ERCC3: variants seen among roughly 807,000 people sequenced by gnomAD.
The protein encoded by ERCC3 is ERCC excision repair 3, TFIIH core complex helicase subunit.
Under a neutral mutation model 94.2 loss-of-function variants are expected in ERCC3, and 66 were observed. That is an observed-to-expected ratio of 0.70 (90% CI 0.57 to 0.86). The LOEUF (loss-of-function observed/expected upper bound fraction) is 0.86. Among genes scored for constraint, ERCC3 ranks in the 40% least tolerant of loss-of-function variants. The pLI is 0.00. For missense variants in ERCC3, 829 were observed against 987.1 expected (o/e 0.84, Z 2.15); for synonymous variants, 349 against 369.1 (o/e 0.95, Z 0.63).
chr2:127,270,762 A>G (rs1684521929), intron 12 of ERCC3, among the ~76,000 whole-genome samples: 1 of 152,122 alleles, frequency 6.6e-6, no homozygotes, highest in Admixed American at 6.5e-5. Context: ...GGGCCCTTTT[A>G]CCGCAGTAAG....
intron 2 of ERCC3, 31 bp from the exon 3 acceptor site, chr2:127,292,877 A>C (rs753347370): frequency 7.1e-7 from 1 of 1,400,966 alleles, no homozygotes; most frequent in Non-Finnish European, 1.0e-6. Context: ...AAAACAGACA[A>C]GGAAACATGA....
chr2:127,272,931 C>T lies in ERCC3; in HGVS notation c.1761G>A (p.Gly587=), dbSNP rs1280410861. The change falls in exon 11 of 15, where the codon GGG becomes GGA. Residue 587 remains glycine (G), a synonymous_variant. Coordinates refer to ENST00000285398, the MANE Select transcript of ERCC3 (RefSeq NM_000122.2). ...KPYIYGPTSQ[G]ERMQILQNFK... is the part of the protein sequence containing the mutation. ...AATTCTGGAGAATTTGCATCCTTTC[C>T]CCCTGAGACGTAGGTCCGTAGATAT... 1.2e-6 allele frequency: 2 copies of T among 1,612,926 alleles called. No individual in the cohort carries two copies. The highest frequency in any genetic ancestry group is 1.7e-6 in the Non-Finnish European group (2 of 1,178,938).
rs1684138917 is a variant in ERCC3 at position 127,259,884 on chromosome 2, G to C, written c.2065-436C>G. 3.8e-6 allele frequency: 1 copy of C among 264,172 alleles called. No individual in the cohort carries two copies. 16.4% of individuals were successfully genotyped at this position (264,172 alleles called of 1,614,324 possible). On this transcript the variant is annotated intron_variant, in intron 13 of 14. Transcript: ENST00000285398. The surrounding 1 kb of genome is among the most constrained non-coding windows in gnomAD (Gnocchi z 4.9). ...TGCTCCGCAACTGGGGCTTCCAGCA[G>C]GAATGAGCACGTGAAAATGAAAATG...
At chr2:127,293,814 T>C in intron 1 of ERCC3, 96 bp from the exon 2 acceptor site, 4 of 1,598,294 alleles carry the variant, frequency 2.5e-6, no homozygotes, top group Non-Finnish European at 3.4e-6. Context: ...CGCAAACTCC[T>C]AGCTAAGAGC....
Position 127,279,157 on chromosome 2 carries a change from A to C in ERCC3, c.1730+16T>G, listed in dbSNP as rs202086538. 3.6e-4 allele frequency: 567 copies of C among 1,581,942 alleles called. 2 individuals are homozygous for C. Among genetic ancestry groups the C allele is most frequent in the Middle Eastern group, 1.7e-4 (1 of 6,028 alleles). ...AGAAACTGGCCTGGAGGAAGCTCCA[A>C]GTTTTCAATTCTTACTTGTTCAGTC... is the stretch of plus-strand genomic sequence containing the variant. On this transcript the variant is annotated intron_variant, in intron 10 of 14. Transcript: ENST00000285398. This position sits in a 1 kb window ranked among gnomAD's most constrained non-coding sequence, Gnocchi z 4.7.
Position 127,289,350 on chromosome 2 carries a change from AAAGACACT to A in ERCC3, c.801_808del (p.Val268Ter). ...ACATTCACTAACCTGCTTGACTTCAAAAGACACTGTCTGTGTCTCTTCTTCTTCTTCTT... is the reference window on the plus strand; with the variant it reads ...ACATTCACTAACCTGCTTGACTTCAAGTCTGTGTCTCTTCTTCTTCTTCTT... On this transcript the variant is annotated frameshift_variant, in exon 6 of 15. Transcript: ENST00000285398. LOFTEE classifies it high-confidence loss of function. The A allele has an allele frequency of 6.2e-7, 1 of 1,613,746 alleles. No homozygotes were observed. The highest frequency in any genetic ancestry group is 8.5e-7 in the Non-Finnish European group (1 of 1,179,950).
Position 127,289,477 on chromosome 2 carries a change from C to A in ERCC3, c.682G>T (p.Gly228Cys), listed in dbSNP as rs587778279. 3.7e-6 allele frequency: 6 copies of A among 1,612,538 alleles called. No homozygotes were observed. The African/African-American group carries it at 4.0e-5, about 11-fold the overall frequency. Residue 228 changes from glycine to cysteine, a missense_variant, in exon 6 of 15, where the codon GGT (glycine) becomes TGT (cysteine). By Grantham distance (159) the Gly-to-Cys change is radical. Coordinates refer to ENST00000285398, the MANE Select transcript of ERCC3 (RefSeq NM_000122.2). The stretch of plus-strand genomic sequence containing the variant: ...GTCACTCGGGAAGTGGAGGGCCCAC[C>A]ACTGCTTTCAGCAGTCTTAGAAATC... Reference protein sequence around the residue: ...SAISKTAESSGGPSTSRVTDP... With the variant: ...SAISKTAESSCGPSTSRVTDP...
At chr2:127,276,428 T>A in intron 10 of ERCC3, among the ~76,000 whole-genome samples, 1 of 150,334 alleles carries the variant, frequency 6.7e-6, no homozygotes. Flanking sequence ...GACAAAAAAA[T>A]GAAGAAAAGA....
intron 2 of ERCC3, 101 bp downstream of exon 2, chr2:127,293,412 G>C (rs1274946208): frequency 1.8e-6 from 2 of 1,087,426 alleles, no homozygotes; most frequent in African/African-American, 1.6e-5. Flanking sequence ...GCCAGTTCTA[G>C]GGGCAGTATC....
rs1684297099 is a variant in ERCC3 at position 127,264,615 on chromosome 2, C to T, written c.1946-3269G>A. 6.6e-6 allele frequency among the ~76,000 whole-genome samples: 1 copy of T among 152,168 alleles called. No homozygotes were observed. Among genetic ancestry groups the T allele is most frequent in the Non-Finnish European group, 1.5e-5 (1 of 68,028 alleles). ...AGCCTATTTGATTGTGGTGAATTAACTTTTTGATATGCTGCTGGATTTGCT... is the reference window on the plus strand; with the variant it reads ...AGCCTATTTGATTGTGGTGAATTAATTTTTTGATATGCTGCTGGATTTGCT... On this transcript the variant is annotated intron_variant, in intron 12 of 14. Coordinates refer to ENST00000285398, the MANE Select transcript of ERCC3 (RefSeq NM_000122.2). This position sits in a 1 kb window ranked among gnomAD's most constrained non-coding sequence, Gnocchi z 4.4.
chr2:127,289,334 A>G lies in ERCC3; in HGVS notation c.822+3T>C. The G allele has an allele frequency of 1.2e-6, 2 of 1,613,508 alleles. No individual in the cohort carries two copies. The highest frequency in any genetic ancestry group is 1.7e-6 in the Non-Finnish European group (2 of 1,179,696). On this transcript the variant is annotated splice_donor_region_variant and intron_variant, in intron 6 of 14. Transcript: ENST00000285398. ...GAACCAGGAGGAAGGTACATTCACT[A>G]ACCTGCTTGACTTCAAAAGACACTG... is the stretch of plus-strand genomic sequence containing the variant.
At chr2:127,290,911 A>C (rs1685247160) in intron 3 of ERCC3, 1 of 153,580 alleles carries the variant, frequency 6.5e-6, no homozygotes, top group Non-Finnish European at 1.4e-5. Flanking sequence ...GTGAAACCCC[A>C]TCTCTACTAA....
At chr2:127,292,535 T>C in intron 3 of ERCC3, 75 bp downstream of exon 3, 1 of 983,102 alleles carries the variant, frequency 1.0e-6, no homozygotes, top group Non-Finnish European at 1.6e-6. Context: ...TGCCACAGGC[T>C]GACAACATGG....
rs1684126376 is a variant in ERCC3, at chr2:127,259,466, G to A, written c.2065-18C>T. 1 of 1,613,832 alleles carries A rather than the reference G, an allele frequency of 6.2e-7. No homozygotes were observed. Among genetic ancestry groups the A allele is most frequent in the South Asian group, 1.1e-5 (1 of 91,088 alleles). On this transcript the variant is annotated intron_variant, in intron 13 of 14. Coordinates refer to ENST00000285398, the MANE Select transcript of ERCC3 (RefSeq NM_000122.2). This position sits in a 1 kb window ranked among gnomAD's most constrained non-coding sequence, Gnocchi z 4.9. Reference sequence around the variant, plus strand: ...GTGATCACCTGCAAAGCCCAAGCCAGCAGACATGCCCCTTTCTGCTCTCTC... The same window carrying A: ...GTGATCACCTGCAAAGCCCAAGCCAACAGACATGCCCCTTTCTGCTCTCTC...
At position 127,287,806 on chromosome 2, in the gene ERCC3, C is replaced by T. The variant is rs527525812; in HGVS notation, c.1028-789G>A. 4.6e-5 allele frequency among the ~76,000 whole-genome samples: 7 copies of T among 152,186 alleles called. No homozygotes were observed. The South Asian group carries it at 1.0e-3, about 23-fold the overall frequency. On this transcript the variant is annotated intron_variant, in intron 7 of 14. Transcript: ENST00000285398. ...AAACGGGGCTGAGAATTCAGGGATG[C>T]GCTATGTGTGTACAGAGAAAATGAA...
rs143073715 is a variant in ERCC3, at chr2:127,266,663, G to A, written c.1945+4673C>T. ...AATTTATTGAGACTTTAATAAAGTC[G>A]AGCATAAAGTCTCACATTGCTTTAT... On this transcript the variant is annotated intron_variant, in intron 12 of 14. Transcript: ENST00000285398. Among the ~76,000 whole-genome samples, 479 of 150,762 alleles carry A rather than the reference G, an allele frequency of 3.2e-3. 1 individual carries two copies. The highest frequency in any genetic ancestry group is 0.01 in the African/African-American group (422 of 41,078).
Position 127,257,739 on chromosome 2 carries a change from G to A in ERCC3, c.2218-12C>T. The stretch of plus-strand genomic sequence containing the variant: ...AAGCGCCGAGATGCCTGCCGGGAAG[G>A]GGGAACCAGCCCATGTTAGTCTCCA... On this transcript the variant is annotated splice_polypyrimidine_tract_variant and intron_variant, in intron 14 of 14. Transcript: ENST00000285398. This position sits in a 1 kb window ranked among gnomAD's most constrained non-coding sequence, Gnocchi z 5.4. The A allele has an allele frequency of 6.2e-7, 1 of 1,614,144 alleles. No homozygotes were observed. The highest frequency in any genetic ancestry group is 8.5e-7 in the Non-Finnish European group (1 of 1,180,024).
intron 3 of ERCC3, chr2:127,290,882 GACC>G (rs1685245718): frequency 1.3e-5 from 2 of 154,896 alleles, no homozygotes; most frequent in Admixed American, 6.4e-5. Context: ...AGGAGTTCGA[GACC>G]AGCCTGGCCA....
rs983666624 is a variant in ERCC3 at position 127,279,652 on chromosome 2, C to T, written c.1528-277G>A. 2.6e-5 allele frequency among the ~76,000 whole-genome samples: 4 copies of T among 151,960 alleles called. No individual in the cohort carries two copies. The highest frequency in any genetic ancestry group is 2.1e-4 in the South Asian group (1 of 4,818). ...TAGTGCATGTCTGTAATTCCAGCTA[C>T]GCAGGAGGCTAAGGCAGGAGAATCA... is the stretch of plus-strand genomic sequence containing the variant. On this transcript the variant is annotated intron_variant, in intron 9 of 14. Transcript: ENST00000285398. The surrounding 1 kb of genome is among the most constrained non-coding windows in gnomAD (Gnocchi z 4.7).
Sources: gnomAD v4.1 joint callset for allele counts (sites outside exome capture counted in the v4.1 genomes callset) on GRCh38, gnomAD v4.1.1 for gene constraint, Gnocchi (gnomAD v3.1) non-coding constraint, MANE v1.5 for transcripts, NCBI Gene and HGNC (gene_info 2026-07-23, HGNC 2026-07-21) for gene names.